Variants in SBF2 observed in about 807,000 individuals in gnomAD.
SBF2 encodes SET binding factor 2, also known as myotubularin-related protein 13.
Under a neutral mutation model 225.2 loss-of-function variants are expected in SBF2, and 112 were observed. The observed-to-expected ratio is 0.50, with a 90% CI of 0.43 to 0.58. The LOEUF (loss-of-function observed/expected upper bound fraction) is 0.58. SBF2 is among the 20% of genes least tolerant of loss of function. The pLI is 0.00. For missense variants in SBF2, 1,996 were observed against 2,206.2 expected, an observed-to-expected ratio of 0.90 and a Z score of 1.91; for synonymous variants, 763 against 773.3, an observed-to-expected ratio of 0.99 and a Z score of 0.22.
At chr11:9,895,565 A>G (rs557697939) in intron 17 of SBF2, among the ~76,000 whole-genome samples, 1 of 152,294 alleles carries the variant, frequency 6.6e-6, no homozygotes, top group East Asian at 1.9e-4. Flanking sequence ...CATTCAATAA[A>G]TATTTACTGA....
At chr11:9,794,286 A>G (rs2133868932) in intron 33 of SBF2, among the ~76,000 whole-genome samples, 1 of 152,222 alleles carries the variant, frequency 6.6e-6, no homozygotes, top group Middle Eastern at 3.4e-3. Flanking sequence ...GGAGGCAAAT[A>G]CCTGCGTTTT....
At chr11:10,092,007 T>G (rs1443269479) in intron 2 of SBF2, among the ~76,000 whole-genome samples, 1 of 152,206 alleles carries the variant, frequency 6.6e-6, no homozygotes, top group African/African-American at 2.4e-5. Flanking sequence ...ATGTAACAAC[T>G]GTAATCTGAT....
In SBF2 at chr11:10,236,150, C is replaced by A. The variant is rs79173389; in HGVS notation, c.56-42163G>T. 1.8e-4 allele frequency among the ~76,000 whole-genome samples: 28 copies of A among 152,234 alleles called. No individual in the cohort carries two copies. The East Asian group carries it at 5.2e-3, about 28-fold the overall frequency. ...ACAAATAAAAACGAACAAAGAATAT[C>A]TGAAATAACGTTCGATTTAGGTCCA... On this transcript the variant is annotated intron_variant, in intron 1 of 39. Coordinates refer to ENST00000256190, the MANE Select transcript of SBF2 (RefSeq NM_030962.4).
At chr11:10,233,435 T>C (rs1183118502) in intron 1 of SBF2, among the ~76,000 whole-genome samples, 4 of 152,096 alleles carry the variant, frequency 2.6e-5, no homozygotes, top group Non-Finnish European at 4.4e-5. Context: ...GGTGCTCCTA[T>C]TATGAATAAT....
chr11:10,198,161 C>T (rs927605932), intron 1 of SBF2, among the ~76,000 whole-genome samples: 2 of 152,166 alleles, frequency 1.3e-5, no homozygotes, highest in Non-Finnish European at 2.9e-5. Flanking sequence ...CAGATTCAAT[C>T]AGAGGAATCA....
At chr11:10,137,670 T>C (rs1459839508) in intron 2 of SBF2, among the ~76,000 whole-genome samples, 1 of 152,204 alleles carries the variant, frequency 6.6e-6, no homozygotes, top group Non-Finnish European at 1.5e-5. Flanking sequence ...TTTTCCTTTT[T>C]TGTCTTTGTC....
chr11:10,129,988 T>G (rs1230340469), intron 2 of SBF2, among the ~76,000 whole-genome samples: 1 of 151,816 alleles, frequency 6.6e-6, no homozygotes, highest in African/African-American at 2.4e-5. Context: ...CCAGCCTGGG[T>G]GAAAGAAGGA....
intron 1 of SBF2, among the ~76,000 whole-genome samples, chr11:10,258,959 C>G (rs1235671966): frequency 6.6e-6 from 1 of 152,128 alleles, no homozygotes; most frequent in Non-Finnish European, 1.5e-5. Context: ...GGGCAGGGAA[C>G]AGAGAAGGCA....
intron 1 of SBF2, among the ~76,000 whole-genome samples, chr11:10,246,127 T>C (rs563782984): frequency 2.6e-5 from 4 of 152,334 alleles, no homozygotes; most frequent in African/African-American, 7.2e-5. Context: ...TTACGTTGTG[T>C]TCTTATCACA....
intron 1 of SBF2, among the ~76,000 whole-genome samples, chr11:10,227,321 T>C (rs1327945409): frequency 1.3e-5 from 2 of 152,222 alleles, no homozygotes; most frequent in African/African-American, 4.8e-5. Flanking sequence ...AGCTCTTTAG[T>C]TTAATTAGAT....
At chr11:10,114,370 T>C (rs1953031656) in intron 2 of SBF2, among the ~76,000 whole-genome samples, 1 of 152,216 alleles carries the variant, frequency 6.6e-6, no homozygotes, top group Admixed American at 6.5e-5. Flanking sequence ...TCAGATGGCA[T>C]TTCTTATTCT....
chr11:9,903,648 C>T (rs1861901469), intron 16 of SBF2, among the ~76,000 whole-genome samples: 1 of 152,114 alleles, frequency 6.6e-6, no homozygotes, highest in Non-Finnish European at 1.5e-5. Flanking sequence ...CAAGCGGGCA[C>T]GTGAAGGTCA....
At chr11:9,978,791 T>A (rs1415054821) in intron 13 of SBF2, among the ~76,000 whole-genome samples, 2 of 151,622 alleles carry the variant, frequency 1.3e-5, no homozygotes, top group Non-Finnish European at 2.9e-5. Context: ...AGCCCAGGAG[T>A]TCCAGATCAG....
chr11:9,974,989 G>GAAAAAAAAAAAA (rs1327838236), intron 13 of SBF2, among the ~76,000 whole-genome samples: 1 of 68,358 alleles, frequency 1.5e-5, no homozygotes, highest in Admixed American at 2.1e-4. Flanking sequence ...AAAAAAAAAA[G>GAAAAAAAAAAAA]AAAAAAAGAA....
intron 16 of SBF2, among the ~76,000 whole-genome samples, chr11:9,911,123 T>G (rs750527476): frequency 1.3e-5 from 2 of 150,632 alleles, no homozygotes; most frequent in Non-Finnish European, 3.0e-5. Flanking sequence ...ATCCCAGAAC[T>G]TTGGGAGGCC....
intron 16 of SBF2, among the ~76,000 whole-genome samples, chr11:9,903,656 T>C (rs369548006): frequency 1.3e-5 from 2 of 152,200 alleles, no homozygotes; most frequent in African/African-American, 4.8e-5. Context: ...CACGTGAAGG[T>C]CAAGTGCCAT....
rs1949238775 is a variant in SBF2 at position 10,031,111 on chromosome 11, T to C, written c.339A>G (p.Ala113=). Residue 113 remains alanine (A), a synonymous_variant, in exon 4 of 40, where the codon GCA becomes GCG. Coordinates refer to ENST00000256190, the MANE Select transcript of SBF2 (RefSeq NM_030962.4). ...EAKVSGLIQP[A]EVFAPKSLVL... ...CCAGGCTTTTGGGAGCAAACACTTC[T>C]GCAGGCTGAATTAAACCAGACACTT... The C allele has an allele frequency of 1.9e-6, 3 of 1,613,530 alleles. No individual in the cohort carries two copies. Among genetic ancestry groups the C allele is most frequent in the South Asian group, 1.1e-5 (1 of 91,074 alleles).
chr11:10,181,590 A>C (rs553492459), intron 2 of SBF2, among the ~76,000 whole-genome samples: 1 of 152,230 alleles, frequency 6.6e-6, no homozygotes, highest in South Asian at 2.1e-4. Context: ...TAATCTATGA[A>C]ATTGTGACTC....
intron 1 of SBF2, among the ~76,000 whole-genome samples, chr11:10,230,713 A>C (rs1364878225): frequency 6.6e-6 from 1 of 152,126 alleles, no homozygotes; most frequent in Non-Finnish European, 1.5e-5. Context: ...TTTGTGGGTA[A>C]CCCGACCTTT....
Sources: gnomAD v4.1 joint callset for allele counts (sites outside exome capture counted in the v4.1 genomes callset) on GRCh38, gnomAD v4.1.1 for gene constraint, MANE v1.5 for transcripts, NCBI Gene and HGNC (gene_info 2026-07-23, HGNC 2026-07-21) for gene names.